Variants in CHRDL2 observed in about 807,000 individuals in gnomAD.
CHRDL2 encodes the protein chordin-like protein 2.
Under a neutral mutation model 54.3 loss-of-function variants are expected in CHRDL2, and 41 were observed. The observed-to-expected ratio is 0.76, with a 90% CI of 0.59 to 0.98. The LOEUF (loss-of-function observed/expected upper bound fraction) is 0.98, where lower values mean the gene tolerates loss of function less well. CHRDL2 is among the 50% of genes least tolerant of loss of function. CHRDL2 has a pLI of 0.00. For synonymous variants in CHRDL2, 220 were observed against 224.3 expected (o/e 0.98, Z 0.17); for missense variants, 518 against 562.4 (o/e 0.92, Z 0.80).
intron 6 of CHRDL2, 155 bp from the exon 7 acceptor site, chr11:74,704,809 G>C (rs540058478): frequency 1.4e-6 from 1 of 719,380 alleles, no homozygotes; most frequent in Non-Finnish European, 2.3e-6. Flanking sequence ...AGAAAGATCT[G>C]GATGAGGTCT....
intron 10 of CHRDL2, 41 bp downstream of exon 10, chr11:74,697,164 T>C: frequency 1.4e-5 from 21 of 1,539,608 alleles, no homozygotes; most frequent in Non-Finnish European, 1.7e-5. Context: ...TGTCCTTGCC[T>C]TCTTCCTGCC....
At chr11:74,722,931 C>G (rs1383823426) in intron 1 of CHRDL2, among the ~76,000 whole-genome samples, 2 of 151,998 alleles carry the variant, frequency 1.3e-5, no homozygotes, top group Non-Finnish European at 2.9e-5. Flanking sequence ...TCTTTGAGAG[C>G]CTGAGAGGCA....
At chr11:74,730,656 C>A (rs901905066) in intron 1 of CHRDL2, 151 bp downstream of exon 1, 3 of 724,796 alleles carry the variant, frequency 4.1e-6, no homozygotes, top group Admixed American at 2.2e-5. Context: ...GTCCCCCGGC[C>A]CATACTGGTC....
Position 74,703,474 on chromosome 11 carries a change from G to A in CHRDL2, c.777C>T (p.Tyr259=), listed in dbSNP as rs763486343. ...KKACVHGGKT[Y]SHGEVWHPAF... ...CCGGGTGCCACACCTCCCCGTGGGA[G>A]TACGTCTTCCCGCCATGCACACAGG... is the stretch of plus-strand genomic sequence containing the variant. The change falls in exon 8 of 11, where the codon TAC becomes TAT. Residue 259 remains tyrosine (Y), a synonymous_variant. Coordinates refer to ENST00000376332, the MANE Select transcript of CHRDL2 (RefSeq NM_001278473.3). 8.1e-6 allele frequency: 13 copies of A among 1,606,992 alleles called. No individual in the cohort carries two copies. Among genetic ancestry groups the A allele is most frequent in the Non-Finnish European group, 1.1e-5 (13 of 1,175,970 alleles).
intron 6 of CHRDL2, 32 bp downstream of exon 6, chr11:74,706,454 TC>T: frequency 6.2e-7 from 1 of 1,610,418 alleles, no homozygotes; most frequent in Non-Finnish European, 8.5e-7. Flanking sequence ...CAGCCCCCTG[TC>T]CCGCACCCCG....
At chr11:74,714,964 A>C (rs956434596) in intron 2 of CHRDL2, among the ~76,000 whole-genome samples, 1 of 152,184 alleles carries the variant, frequency 6.6e-6, no homozygotes, top group Admixed American at 6.5e-5. Context: ...TTGAGTGGCT[A>C]CTGAGGTAGG....
rs767365358 is a variant in CHRDL2 at position 74,730,857 on chromosome 11, AAGG to A, written c.29_31del (p.Ser10del). 1.9e-6 allele frequency: 3 copies of A among 1,612,676 alleles called. No individual in the cohort carries two copies. Among genetic ancestry groups the A allele is most frequent in the Non-Finnish European group, 2.5e-6 (3 of 1,179,622 alleles). ...GAACCAGAGCAGCGCGAGTCCCAGC[AAGG>A]AGGAGAGGACCCTCACCTCGGGAAC... On this transcript the variant is annotated inframe_deletion, in exon 1 of 11. Coordinates refer to ENST00000376332, the MANE Select transcript of CHRDL2 (RefSeq NM_001278473.3).
At chr11:74,730,300 G>A (rs910545604) in intron 1 of CHRDL2, among the ~76,000 whole-genome samples, 2 of 152,170 alleles carry the variant, frequency 1.3e-5, no homozygotes, top group African/African-American at 4.8e-5. Context: ...GTAAGTTTTA[G>A]CAAGTTCCTC....
At position 74,696,504 on chromosome 11, in the gene CHRDL2, C is replaced by A; in HGVS notation, c.*5G>T. 2 of 1,611,138 alleles carry A rather than the reference C, an allele frequency of 1.2e-6. No individual in the cohort carries two copies. The highest frequency in any genetic ancestry group is 1.7e-6 in the Non-Finnish European group (2 of 1,177,374). On this transcript the variant is annotated 3_prime_UTR_variant, in exon 11 of 11. Coordinates refer to ENST00000376332, the MANE Select transcript of CHRDL2 (RefSeq NM_001278473.3). Reference sequence around the variant, plus strand: ...CAGCTCATATCTGCAACTGTTAGGTCTTTGTTATGTCTTGGTCACTTTGTC... The same window carrying A: ...CAGCTCATATCTGCAACTGTTAGGTATTTGTTATGTCTTGGTCACTTTGTC...
At chr11:74,726,092 C>T (rs1345414589) in intron 1 of CHRDL2, among the ~76,000 whole-genome samples, 1 of 152,164 alleles carries the variant, frequency 6.6e-6, no homozygotes, top group East Asian at 1.9e-4. Flanking sequence ...TGGCACATGA[C>T]AGACATACAG....
chr11:74,729,403 A>AC (rs1294677871), intron 1 of CHRDL2, among the ~76,000 whole-genome samples: 2 of 152,238 alleles, frequency 1.3e-5, no homozygotes, highest in African/African-American at 2.4e-5. Context: ...TATCTCTCTT[A>AC]GACAGATTAG....
chr11:74,697,229 G>T lies in CHRDL2; in HGVS notation c.1189C>A (p.Arg397=), dbSNP rs79893604. 1 of 1,613,876 alleles carries T rather than the reference G, an allele frequency of 6.2e-7. No individual in the cohort carries two copies. The highest frequency in any genetic ancestry group is 1.3e-5 in the African/African-American group (1 of 75,050). The change falls in exon 10 of 11, where the codon CGA becomes AGA. Residue 397 remains arginine (R), a synonymous_variant. Transcript: ENST00000376332. ...CCTTCGTGGGGGCCAGCGAGCAGTCGGAAGTGCTGTGCCTCTTTCTGGAAG... is the reference window on the plus strand; with the variant it reads ...CCTTCGTGGGGGCCAGCGAGCAGTCTGAAGTGCTGTGCCTCTTTCTGGAAG... ...QDFQKEAQHF[R]LLAGPHEGHW...
At position 74,731,132 on chromosome 11, in the gene CHRDL2, A is replaced by G. The variant is rs1360422544; in HGVS notation, c.-244T>C. The G allele has an allele frequency of 1.1e-5, 6 of 528,930 alleles. No individual in the cohort carries two copies. Among genetic ancestry groups the G allele is most frequent in the Non-Finnish European group, 2.0e-5 (6 of 296,978 alleles). The allele number at this position is 528,930 out of a possible 1,614,324, so 32.8% of individuals were successfully genotyped here. On this transcript the variant is annotated 5_prime_UTR_variant, in exon 1 of 11. Coordinates refer to ENST00000376332, the MANE Select transcript of CHRDL2 (RefSeq NM_001278473.3). The surrounding 1 kb of genome is among the most constrained non-coding windows in gnomAD (Gnocchi z 4.4). ...GGGGAAAGGAGGGAGAGATGGAGAG[A>G]CGAAGGAAGGTCCAGCAGAAGGGAG...
chr11:74,723,844 C>T (rs957799768), intron 1 of CHRDL2, among the ~76,000 whole-genome samples: 1 of 152,200 alleles, frequency 6.6e-6, no homozygotes, highest in African/African-American at 2.4e-5. Flanking sequence ...TTCTTTATTT[C>T]TGGAATTTCC....
At chr11:74,704,778 G>A in intron 6 of CHRDL2, 124 bp from the exon 7 acceptor site, 1 of 886,286 alleles carries the variant, frequency 1.1e-6, no homozygotes, top group Admixed American at 2.3e-5. Context: ...TCCCAGAGAA[G>A]AGAAGGTAGA....
chr11:74,696,884 A>G (rs908291165), intron 10 of CHRDL2, among the ~76,000 whole-genome samples: 3 of 152,172 alleles, frequency 2.0e-5, no homozygotes, highest in Non-Finnish European at 1.5e-5. Context: ...TCCTAAAAGT[A>G]AGGTATAGAA....
In CHRDL2 at chr11:74,708,398, G is replaced by A; in HGVS notation, c.433-3C>T. The A allele has an allele frequency of 6.4e-7, 1 of 1,566,524 alleles. No individual in the cohort carries two copies. Among genetic ancestry groups the A allele is most frequent in the Non-Finnish European group, 8.6e-7 (1 of 1,159,034 alleles). ...AGGCCGCAGTAGATCTGGCCCTCCTGACAGATAGAGCAAACCAGCTGGGAA... is the reference window on the plus strand; with the variant it reads ...AGGCCGCAGTAGATCTGGCCCTCCTAACAGATAGAGCAAACCAGCTGGGAA... On this transcript the variant is annotated splice_polypyrimidine_tract_variant and splice_region_variant and intron_variant, in intron 4 of 10. Coordinates refer to ENST00000376332, the MANE Select transcript of CHRDL2 (RefSeq NM_001278473.3).
At chr11:74,719,194 A>AG (rs766896843) in intron 1 of CHRDL2, 23 of 179,090 alleles carry the variant, frequency 1.3e-4, no homozygotes, top group Non-Finnish European at 2.2e-4. Flanking sequence ...GTTACACCTG[A>AG]GGGCCACACA....
At chr11:74,705,182 G>T (rs991172461) in intron 6 of CHRDL2, among the ~76,000 whole-genome samples, 9 of 152,280 alleles carry the variant, frequency 5.9e-5, no homozygotes, top group South Asian at 2.1e-4. Flanking sequence ...CTGAAGCTTA[G>T]GCTCTCTTTC....
Sources: allele counts gnomAD v4.1 joint callset (sites outside exome capture counted in the v4.1 genomes callset), GRCh38; gene constraint gnomAD v4.1.1; non-coding constraint Gnocchi (gnomAD v3.1); transcripts MANE v1.5; gene names NCBI Gene and HGNC (gene_info 2026-07-23, HGNC 2026-07-21).